TNRC6A: variants seen among roughly 807,000 people sequenced by gnomAD.
TNRC6A encodes the protein trinucleotide repeat containing adaptor 6A.
TNRC6A carries 44 observed loss-of-function variants against 221.2 expected under a neutral mutation model. The observed-to-expected ratio is 0.20, with a 90% confidence interval of 0.16 to 0.26. The LOEUF (loss-of-function observed/expected upper bound fraction) is 0.26, where lower values mean the gene tolerates loss of function less well. Among genes scored for constraint, TNRC6A ranks in the 10% least tolerant of loss-of-function variants. TNRC6A has a pLI of 1.00. For synonymous variants in TNRC6A, 847 were observed against 838.5 expected (o/e 1.01, Z -0.18); for missense variants, 2,199 against 2,404.4 (o/e 0.91, Z 1.79).
chr16:24,758,921 C>T (rs927192188), intron 4 of TNRC6A, among the ~76,000 whole-genome samples: 1 of 152,050 alleles, frequency 6.6e-6, no homozygotes, highest in Non-Finnish European at 1.5e-5. Flanking sequence ...ACACTAATTC[C>T]TCTCAGATCC....
chr16:24,821,896 C>T, intron 22 of TNRC6A, 181 bp from the exon 23 acceptor site: 1 of 608,018 alleles, frequency 1.6e-6, no homozygotes, highest in Non-Finnish European at 3.0e-6. Flanking sequence ...AGCCCCCTGC[C>T]ATAGGAGTTA....
At chr16:24,822,209 G>A (rs766426429) in intron 23 of TNRC6A, 62 bp downstream of exon 23, 20 of 1,536,704 alleles carry the variant, frequency 1.3e-5, no homozygotes, top group African/African-American at 2.7e-5. Flanking sequence ...ACAGAGGTTC[G>A]GGTCTGTATG....
chr16:24,713,370 A>G (rs764805045), intron 2 of TNRC6A, among the ~76,000 whole-genome samples: 1 of 152,086 alleles, frequency 6.6e-6, no homozygotes, highest in African/African-American at 2.4e-5. Context: ...GTGAGCAGAG[A>G]TCATGCCAGT....
At chr16:24,679,855 C>A (rs948843486) in intron 2 of TNRC6A, among the ~76,000 whole-genome samples, 2 of 152,034 alleles carry the variant, frequency 1.3e-5, no homozygotes, top group Non-Finnish European at 2.9e-5. Flanking sequence ...GCAATCCTCC[C>A]GCTTCAGCCT....
rs369242971 is a variant in TNRC6A, at chr16:24,672,154, CT to C, written n.402+31146del. Among the ~76,000 whole-genome samples the C allele has an allele frequency of 5.2e-3, 796 of 152,254 alleles. 5 individuals carry two copies. Among genetic ancestry groups the C allele is most frequent in the African/African-American group, 0.018 (753 of 41,546 alleles). The stretch of plus-strand genomic sequence containing the variant: ...ATTTATTTTTTGAGACGGAGTCTTG[CT>C]ATGTCACCCAGGCTAGAGTGCAGTG... On this transcript the variant is annotated intron_variant and non_coding_transcript_variant, in intron 2 of 2. Transcript: ENST00000566108.
At chr16:24,771,566 G>GTGATGTGATGTT (rs2057599350) in intron 4 of TNRC6A, among the ~76,000 whole-genome samples, 1 of 96,526 alleles carries the variant, frequency 1.0e-5, no homozygotes, top group African/African-American at 3.9e-5. Context: ...TATGTTTTAT[G>GTGATGTGATGTT]TTATGTTATG....
At chr16:24,712,130 C>A (rs994481417) in intron 2 of TNRC6A, among the ~76,000 whole-genome samples, 1 of 152,110 alleles carries the variant, frequency 6.6e-6, no homozygotes, top group African/African-American at 2.4e-5. Context: ...CCATTTTATT[C>A]CTTTGTTAGT....
chr16:24,699,488 C>T (rs1465401353), intron 2 of TNRC6A, among the ~76,000 whole-genome samples: 8 of 152,058 alleles, frequency 5.3e-5, no homozygotes, highest in African/African-American at 1.2e-4. Flanking sequence ...GAGGCCAAGG[C>T]GGGAGAATTG....
At chr16:24,777,431 GC>G in intron 5 of TNRC6A, 73 bp downstream of exon 5, 1 of 1,469,112 alleles carries the variant, frequency 6.8e-7, no homozygotes, top group East Asian at 2.3e-5. Flanking sequence ...TAAATTCGTA[GC>G]TTTTTGGTGA....
At chr16:24,748,309 A>T (rs761418402) in intron 2 of TNRC6A, among the ~76,000 whole-genome samples, 6 of 152,260 alleles carry the variant, frequency 3.9e-5, no homozygotes, top group Non-Finnish European at 8.8e-5. Flanking sequence ...CAGTGGTGTA[A>T]CCTAGTTGCC....
intron 1 of TNRC6A, among the ~76,000 whole-genome samples, chr16:24,638,701 AG>A (rs369963323): frequency 3.1e-4 from 43 of 138,356 alleles, no homozygotes; most frequent in African/African-American, 1.2e-3. Flanking sequence ...CAACAGAGCA[AG>A]GTTGTCTCAA....
chr16:24,818,718 T>C lies in TNRC6A; in HGVS notation c.5080+18T>C. On this transcript the variant is annotated intron_variant, in intron 21 of 24. Coordinates refer to ENST00000395799, the MANE Select transcript of TNRC6A (RefSeq NM_014494.4). ...CACTTCAGGTGGGCCTCGCCTTCGC[T>C]CAGGAAGGGAGGGTTGGTCACAGCC... 1 of 1,593,852 alleles carries C rather than the reference T, an allele frequency of 6.3e-7. No homozygotes were observed. The highest frequency in any genetic ancestry group is 1.7e-4 in the Middle Eastern group (1 of 6,028).
At chr16:24,674,580 G>C (rs890004012) in intron 2 of TNRC6A, among the ~76,000 whole-genome samples, 1 of 151,964 alleles carries the variant, frequency 6.6e-6, no homozygotes, top group South Asian at 2.1e-4. Context: ...TTTCCTCTCC[G>C]TTGCAACGGA....
intron 1 of TNRC6A, among the ~76,000 whole-genome samples, chr16:24,636,394 A>G (rs1056224299): frequency 4.1e-5 from 6 of 147,534 alleles, no homozygotes; most frequent in Admixed American, 1.4e-4. Flanking sequence ...TTTTTGAGAC[A>G]GGATCTTGCT....
At chr16:24,622,900 G>A (rs1396782103) in intron 1 of TNRC6A, among the ~76,000 whole-genome samples, 2 of 152,166 alleles carry the variant, frequency 1.3e-5, no homozygotes, top group African/African-American at 4.8e-5. Context: ...CTTTTTATCT[G>A]TGCGGTACAT....
At chr16:24,747,414 G>A (rs1481173559) in intron 2 of TNRC6A, among the ~76,000 whole-genome samples, 3 of 152,150 alleles carry the variant, frequency 2.0e-5, no homozygotes, top group Admixed American at 6.5e-5. Flanking sequence ...ACTTACAGAT[G>A]TGAGGTATCC....
intron 8 of TNRC6A, among the ~76,000 whole-genome samples, chr16:24,795,310 T>G (rs1442861304): frequency 2.6e-5 from 4 of 152,174 alleles, no homozygotes; most frequent in African/African-American, 7.2e-5. Context: ...TACTGAAGTT[T>G]TGGAAATTGG....
intron 5 of TNRC6A, among the ~76,000 whole-genome samples, chr16:24,787,255 A>G (rs1209014844): frequency 2.0e-5 from 3 of 152,224 alleles, no homozygotes; most frequent in Non-Finnish European, 2.9e-5. Context: ...ATTTGGTCAT[A>G]CAGAGTCCAG....
At chr16:24,822,355 G>A (rs2058782838) in intron 23 of TNRC6A, among the ~76,000 whole-genome samples, 1 of 152,218 alleles carries the variant, frequency 6.6e-6, no homozygotes, top group Admixed American at 6.5e-5. Context: ...CAAGCATACA[G>A]ATTCCCAGGC....
Sources: gnomAD v4.1 joint callset for allele counts (sites outside exome capture counted in the v4.1 genomes callset) on GRCh38, gnomAD v4.1.1 for gene constraint, MANE v1.5 for transcripts, NCBI Gene and HGNC (gene_info 2026-07-23, HGNC 2026-07-21) for gene names.